The following SCMH1 variants were observed in gnomAD, a reference collection of about 807,000 sequenced individuals.
SCMH1 encodes polycomb protein SCMH1.
Under a neutral mutation model 70.8 loss-of-function variants are expected in SCMH1, and 37 were observed. The observed-to-expected ratio is 0.52, with a 90% CI of 0.40 to 0.69. The LOEUF (loss-of-function observed/expected upper bound fraction) is 0.69, where lower values mean the gene tolerates loss of function less well. SCMH1 is among the 30% of genes least tolerant of loss of function. The pLI is 0.00. For missense variants in SCMH1, 607 were observed against 827.3 expected (o/e 0.73, Z 3.27); for synonymous variants, 292 against 307.4 (o/e 0.95, Z 0.52).
chr1:41,237,362 C>T (rs1166059878), intron 1 of SCMH1, among the ~76,000 whole-genome samples: 1 of 152,054 alleles, frequency 6.6e-6, no homozygotes, highest in Non-Finnish European at 1.5e-5. Context: ...ATTTTTTTAA[C>T]CTAAAATTGG....
At chr1:41,194,408 G>A (rs780638137) in intron 1 of SCMH1, among the ~76,000 whole-genome samples, 3 of 152,054 alleles carry the variant, frequency 2.0e-5, no homozygotes, top group Non-Finnish European at 2.9e-5. Context: ...ATCTAAAAGC[G>A]AAAGATAGAA....
At chr1:41,167,796 TG>T (rs1254069273) in intron 2 of SCMH1, among the ~76,000 whole-genome samples, 1 of 152,190 alleles carries the variant, frequency 6.6e-6, no homozygotes, top group Non-Finnish European at 1.5e-5. Flanking sequence ...TAGCATTTCT[TG>T]TAAGGCTGGT....
intron 10 of SCMH1, among the ~76,000 whole-genome samples, chr1:41,059,514 G>T (rs1454014837): frequency 6.6e-6 from 1 of 152,032 alleles, no homozygotes; most frequent in Non-Finnish European, 1.5e-5. Context: ...CCCCTTTCCA[G>T]CTCCCCATCC....
intron 8 of SCMH1, among the ~76,000 whole-genome samples, chr1:41,089,083 G>A (rs1571989008): frequency 6.6e-6 from 1 of 152,194 alleles, no homozygotes; most frequent in African/African-American, 2.4e-5. Context: ...TCTGGGCAGT[G>A]CTGATGCTGC....
intron 1 of SCMH1, among the ~76,000 whole-genome samples, chr1:41,217,536 T>C (rs1446767469): frequency 1.3e-5 from 2 of 152,160 alleles, no homozygotes; most frequent in Non-Finnish European, 2.9e-5. Context: ...CAGTCAATCA[T>C]CTCTGCAAAA....
At chr1:41,202,037 A>C (rs913515237) in intron 1 of SCMH1, among the ~76,000 whole-genome samples, 1 of 152,064 alleles carries the variant, frequency 6.6e-6, no homozygotes, top group Admixed American at 6.6e-5. Flanking sequence ...ATGGTTATTT[A>C]GCTTTTTGAG....
intron 8 of SCMH1, chr1:41,098,604 A>G (rs1053567310): frequency 1.3e-5 from 2 of 152,482 alleles, no homozygotes; most frequent in Admixed American, 6.5e-5. Context: ...TATGGTTCTG[A>G]AAAAATATAC....
intron 5 of SCMH1, among the ~76,000 whole-genome samples, chr1:41,148,519 A>G (rs1644785531): frequency 6.6e-6 from 1 of 152,218 alleles, no homozygotes; most frequent in South Asian, 2.1e-4. Flanking sequence ...TGCTGGCTGC[A>G]GTAGTCCAGG....
chr1:41,168,471 T>C (rs1557720882), intron 2 of SCMH1, among the ~76,000 whole-genome samples: 1 of 152,140 alleles, frequency 6.6e-6, no homozygotes, highest in Admixed American at 6.6e-5. Context: ...TTCACATCTT[T>C]GATGTCTATT....
At position 41,049,308 on chromosome 1, in the gene SCMH1, A is replaced by ATGTGTG. The variant is rs1443409793; in HGVS notation, c.1106-419_1106-418insCACACA. On this transcript the variant is annotated intron_variant, in intron 10 of 14. Transcript: ENST00000337495. ...GGGCAATGGCAATATTAGCAAGGGC[A>ATGTGTG]TATGTGTGTGTGTGTGTGTGTGTAT... Among the ~76,000 whole-genome samples, 220 of 60,780 alleles carry ATGTGTG rather than the reference A, an allele frequency of 3.6e-3. 2 individuals carry two copies. The highest frequency in any genetic ancestry group is 0.018 in the African/African-American group (211 of 11,988). The allele number at this position is 60,780 out of a possible 152,430, so 39.9% of individuals were successfully genotyped here.
chr1:41,230,897 A>G (rs556579139), intron 1 of SCMH1, among the ~76,000 whole-genome samples: 1 of 152,234 alleles, frequency 6.6e-6, no homozygotes, highest in African/African-American at 2.4e-5. Context: ...CTGATATTCA[A>G]CAAGGTTTGG....
rs200906551 is a variant in SCMH1 at position 41,199,156 on chromosome 1, A to C, written c.-117-12906T>G. On this transcript the variant is annotated intron_variant, in intron 1 of 14. Coordinates refer to ENST00000337495, the Ensembl canonical transcript of SCMH1. ...ACTATGTGTTAGGCACTTTAAAAAT[A>C]ACTTATTATTAAACTATAACATTAT... Among the ~76,000 whole-genome samples, 16 of 152,356 alleles carry C rather than the reference A, an allele frequency of 1.1e-4. No individual in the cohort carries two copies. In the East Asian group the frequency reaches 3.1e-3, roughly 29 times the overall value.
rs182132774 is a variant in SCMH1, at chr1:41,085,364, T to C, written c.746-9913A>G. ...TCAAGAAAATATAAATAGTTTGCTA[T>C]GTGATTAACATGATAATACATATAT... On this transcript the variant is annotated intron_variant, in intron 8 of 14. Transcript: ENST00000337495. Among the ~76,000 whole-genome samples the C allele has an allele frequency of 5.9e-5, 9 of 152,282 alleles. No individual in the cohort carries two copies. The East Asian group carries it at 1.4e-3, about 23-fold the overall frequency.
intron 8 of SCMH1, among the ~76,000 whole-genome samples, chr1:41,082,476 GTGAAGGAGAAA>G (rs1277758341): frequency 3.3e-4 from 50 of 152,100 alleles, no homozygotes; most frequent in Non-Finnish European, 5.3e-4. Flanking sequence ...AGCTTCATAA[GTGAAGGAGAAA>G]TAAAATACTT....
chr1:41,030,417 C>A (rs1259965091), intron 13 of SCMH1, among the ~76,000 whole-genome samples: 1 of 152,170 alleles, frequency 6.6e-6, no homozygotes, highest in Non-Finnish European at 1.5e-5. Flanking sequence ...GCAACTTACC[C>A]CTTACTCGCC....
intron 1 of SCMH1, among the ~76,000 whole-genome samples, chr1:41,195,097 C>T (rs1652688263): frequency 7.8e-6 from 1 of 128,230 alleles, no homozygotes; most frequent in African/African-American, 2.9e-5. Flanking sequence ...TACCATTGCA[C>T]TCTAGCCCAG....
intron 8 of SCMH1, among the ~76,000 whole-genome samples, chr1:41,076,239 C>A (rs140371428): frequency 6.2e-4 from 95 of 152,290 alleles, no homozygotes; most frequent in African/African-American, 2.2e-3. Context: ...GGATCCAGGG[C>A]CACCTCCTTA....
chr1:41,086,669 C>T (rs909086512), intron 8 of SCMH1, among the ~76,000 whole-genome samples: 1 of 151,900 alleles, frequency 6.6e-6, no homozygotes, highest in Non-Finnish European at 1.5e-5. Context: ...ACTCAGGAGG[C>T]TGAGGTGGGA....
At chr1:41,088,864 T>C (rs1473016112) in intron 8 of SCMH1, among the ~76,000 whole-genome samples, 1 of 152,166 alleles carries the variant, frequency 6.6e-6, no homozygotes, top group African/African-American at 2.4e-5. Context: ...AGATTCATAC[T>C]GTAGAAAAAG....
Sources: gnomAD v4.1 joint callset for allele counts (sites outside exome capture counted in the v4.1 genomes callset) on GRCh38, gnomAD v4.1.1 for gene constraint, MANE v1.5 for transcripts, NCBI Gene and HGNC (gene_info 2026-07-23, HGNC 2026-07-21) for gene names.